The following ARF4 variants were observed in gnomAD, a reference collection of about 807,000 sequenced individuals.
The protein encoded by ARF4 is ARF GTPase 4.
In ARF4, 5 loss-of-function variants were observed where a neutral mutation model predicts 24.3. The ratio of observed to expected loss-of-function variants is 0.21; its 90% CI spans 0.11 to 0.43. The LOEUF is 0.43. Among genes scored for constraint, ARF4 ranks in the 20% least tolerant of loss-of-function variants. ARF4 has a pLI of 1.00. For missense variants in ARF4, 107 were observed against 213.0 expected, an observed-to-expected ratio of 0.50 and a Z score of 3.10; for synonymous variants, 62 against 73.5, an observed-to-expected ratio of 0.84 and a Z score of 0.80.
chr3:57,590,493 GAA>G (rs1277143619), intron 1 of ARF4, among the ~76,000 whole-genome samples: 2 of 151,846 alleles, frequency 1.3e-5, no homozygotes, highest in Non-Finnish European at 2.9e-5. Context: ...CTCAAAAAAA[GAA>G]AAAAGTTAGA....
chr3:57,596,535 G>A (rs1194030566), intron 1 of ARF4: 1 of 152,690 alleles, frequency 6.5e-6, no homozygotes. Context: ...AGACTCTTCG[G>A]AAACCTTGGG....
chr3:57,576,361 G>A (rs939820933), intron 4 of ARF4, among the ~76,000 whole-genome samples: 2 of 152,090 alleles, frequency 1.3e-5, no homozygotes, highest in Non-Finnish European at 2.9e-5. Flanking sequence ...GACTGCTAAT[G>A]GTCCAAGATT....
chr3:57,576,152 C>A (rs750006858), intron 4 of ARF4, among the ~76,000 whole-genome samples: 5 of 151,972 alleles, frequency 3.3e-5, no homozygotes, highest in Non-Finnish European at 7.4e-5. Flanking sequence ...AAAAAAAGTA[C>A]CAAGAACAGA....
chr3:57,591,256 T>C (rs1472697712), intron 1 of ARF4, among the ~76,000 whole-genome samples: 1 of 148,564 alleles, frequency 6.7e-6, no homozygotes, highest in Non-Finnish European at 1.5e-5. Context: ...AAAAACTTGT[T>C]CATGAATGTT....
At chr3:57,591,188 C>T (rs192535786) in intron 1 of ARF4, among the ~76,000 whole-genome samples, 2 of 152,216 alleles carry the variant, frequency 1.3e-5, no homozygotes, top group Non-Finnish European at 2.9e-5. Context: ...AAGACGGTTA[C>T]CATGACACAA....
At chr3:57,577,689 G>C (rs992197410) in intron 3 of ARF4, among the ~76,000 whole-genome samples, 2 of 151,972 alleles carry the variant, frequency 1.3e-5, no homozygotes, top group African/African-American at 4.8e-5. Flanking sequence ...TTTAAGTGCA[G>C]GTACCAAAAT....
chr3:57,576,460 A>G (rs2069903328), intron 4 of ARF4, among the ~76,000 whole-genome samples: 1 of 151,728 alleles, frequency 6.6e-6, no homozygotes, highest in African/African-American at 2.4e-5. Flanking sequence ...ATGCACATTT[A>G]AAAAGGATGA....
At chr3:57,592,344 G>C (rs541541528) in intron 1 of ARF4, among the ~76,000 whole-genome samples, 7 of 152,006 alleles carry the variant, frequency 4.6e-5, no homozygotes, top group Middle Eastern at 3.2e-3. Context: ...AAAATTAGCC[G>C]GGCATGGTGG....
At chr3:57,583,576 G>T (rs1464270966) in intron 3 of ARF4, among the ~76,000 whole-genome samples, 1 of 152,154 alleles carries the variant, frequency 6.6e-6, no homozygotes, top group Non-Finnish European at 1.5e-5. Flanking sequence ...AAACTACAAT[G>T]ACAGTTTATA....
intron 1 of ARF4, among the ~76,000 whole-genome samples, chr3:57,586,791 AAG>A (rs1491434136): frequency 6.6e-6 from 1 of 152,188 alleles, no homozygotes; most frequent in African/African-American, 2.4e-5. Flanking sequence ...ATATAAAACA[AAG>A]GGGGGTGGCA....
intron 3 of ARF4, among the ~76,000 whole-genome samples, chr3:57,577,982 C>T (rs2069927088): frequency 6.6e-6 from 1 of 151,596 alleles, no homozygotes. Context: ...GAGCCCGAGA[C>T]GGAGGTTGCA....
chr3:57,591,875 C>G (rs1055168037), intron 1 of ARF4, among the ~76,000 whole-genome samples: 6 of 152,026 alleles, frequency 3.9e-5, no homozygotes, highest in Non-Finnish European at 8.8e-5. Flanking sequence ...CCCATAGAAA[C>G]AGAAAACAGA....
intron 1 of ARF4, among the ~76,000 whole-genome samples, chr3:57,591,431 C>T (rs72872593): frequency 0.016 from 2,397 of 150,694 alleles, 60 homozygotes; most frequent in African/African-American, 0.055. Context: ...TACTAATATA[C>T]GCTATAATAT....
At chr3:57,595,530 T>G (rs1404432045) in intron 1 of ARF4, among the ~76,000 whole-genome samples, 2 of 152,200 alleles carry the variant, frequency 1.3e-5, no homozygotes, top group Non-Finnish European at 2.9e-5. Flanking sequence ...AACAATTGAT[T>G]CACAAAGTGT....
At chr3:57,574,408 ATTTTTT>A (rs71088093) in intron 5 of ARF4, among the ~76,000 whole-genome samples, 3 of 145,262 alleles carry the variant, frequency 2.1e-5, no homozygotes, top group African/African-American at 7.6e-5. Flanking sequence ...AGAAGTACAA[ATTTTTT>A]TTTTTTTTTT....
chr3:57,579,806 C>A (rs1276905429), intron 3 of ARF4, among the ~76,000 whole-genome samples: 1 of 152,186 alleles, frequency 6.6e-6, no homozygotes, highest in Non-Finnish European at 1.5e-5. Context: ...CTTTAAATAT[C>A]CTATCCTTTG....
At chr3:57,594,503 A>T (rs1394374527) in intron 1 of ARF4, among the ~76,000 whole-genome samples, 2 of 152,248 alleles carry the variant, frequency 1.3e-5, no homozygotes, top group African/African-American at 4.8e-5. Context: ...GTTAAATTTG[A>T]TACACTGTGT....
chr3:57,581,445 A>ATC (rs2069969447), intron 3 of ARF4, among the ~76,000 whole-genome samples: 1 of 152,216 alleles, frequency 6.6e-6, no homozygotes, highest in African/African-American at 2.4e-5. Flanking sequence ...ACCCAGGGTT[A>ATC]CCCTTGGTCA....
At chr3:57,581,698 G>T (rs1023010374) in intron 3 of ARF4, among the ~76,000 whole-genome samples, 4 of 152,148 alleles carry the variant, frequency 2.6e-5, no homozygotes, top group Admixed American at 6.6e-5. Context: ...TACTTGGGAG[G>T]CTGAGGCAGG....
Sources: allele counts gnomAD v4.1 joint callset (sites outside exome capture counted in the v4.1 genomes callset), GRCh38; gene constraint gnomAD v4.1.1; transcripts MANE v1.5; gene names NCBI Gene and HGNC (gene_info 2026-07-23, HGNC 2026-07-21).